Variants in ZMYND11 observed in about 807,000 individuals in gnomAD.
ZMYND11 encodes zinc finger MYND domain-containing protein 11.
A neutral mutation model predicts 84.9 loss-of-function variants in ZMYND11; 9 were observed. That is an observed-to-expected ratio of 0.11 (90% confidence interval 0.06 to 0.18). ZMYND11 has a LOEUF of 0.18. Ranked by LOEUF, ZMYND11 falls within the 10% of genes least tolerant of loss-of-function variation. The probability of loss-of-function intolerance (pLI) is 1.00; values close to 1 mark genes in which losing one functional copy is unlikely to be tolerated. For synonymous variants in ZMYND11, 250 were observed against 244.1 expected (o/e 1.02, Z -0.23); for missense variants, 409 against 761.0 (o/e 0.54, Z 5.44).
At chr10:205,968 G>A (rs987320813) in intron 2 of ZMYND11, among the ~76,000 whole-genome samples, 3 of 148,934 alleles carry the variant, frequency 2.0e-5, no homozygotes, top group Non-Finnish European at 3.0e-5. Flanking sequence ...CCTATTAAAG[G>A]TGTTTTTTTG....
intron 14 of ZMYND11, chr10:249,490 C>T (rs1952890235): frequency 9.1e-6 from 9 of 984,484 alleles, no homozygotes; most frequent in Non-Finnish European, 9.6e-6. Context: ...TTCAGATTTC[C>T]CTGCACTTAA....
rs146023646 is a variant in ZMYND11 at position 156,209 on chromosome 10, A to G, written c.-20+20650A>G. ...CCACAACCAAGAACCATTGGCCTCA[A>G]ATAGCTCCAAGGTTGAGAGAACCTG... On this transcript the variant is annotated intron_variant, in intron 1 of 14. Transcript: ENST00000381604. 5.0e-3 allele frequency among the ~76,000 whole-genome samples: 763 copies of G among 152,326 alleles called. 23 individuals are homozygous for G. The highest frequency in any genetic ancestry group is 0.043 in the Admixed American group (652 of 15,306).
At chr10:148,044 T>G (rs1839335930) in intron 1 of ZMYND11, 1 of 152,238 alleles carries the variant, frequency 6.6e-6, no homozygotes, top group Non-Finnish European at 1.5e-5. Context: ...TGAGAAAGTT[T>G]TTCAGGCTCT....
upstream of ZMYND11, among the ~76,000 whole-genome samples, chr10:132,268 CA>C (rs1193270241): frequency 1.3e-4 from 19 of 148,216 alleles, no homozygotes; most frequent in East Asian, 5.9e-4. Flanking sequence ...TGCTGCTGCT[CA>C]AAAAAAATAT....
intron 1 of ZMYND11, among the ~76,000 whole-genome samples, chr10:145,268 A>G (rs1489208919): frequency 6.6e-6 from 1 of 151,298 alleles, no homozygotes; most frequent in Non-Finnish European, 1.5e-5. Context: ...ATGTATATAT[A>G]TATCACTTTT....
At chr10:181,803 A>G (rs1847942307) in intron 2 of ZMYND11, among the ~76,000 whole-genome samples, 1 of 152,218 alleles carries the variant, frequency 6.6e-6, no homozygotes, top group Non-Finnish European at 1.5e-5. Context: ...GAACAATAAG[A>G]ATAAAATAAA....
chr10:206,420 G>GT (rs752848192), intron 2 of ZMYND11, among the ~76,000 whole-genome samples: 1 of 152,164 alleles, frequency 6.6e-6, no homozygotes, highest in Non-Finnish European at 1.5e-5. Flanking sequence ...GCCATACTTA[G>GT]TTTTTTGTCC....
At chr10:170,431 C>CGCGT (rs1845028730) in intron 1 of ZMYND11, among the ~76,000 whole-genome samples, 2 of 147,712 alleles carry the variant, frequency 1.4e-5, no homozygotes, top group South Asian at 4.3e-4. Context: ...ATTATGTGTG[C>CGCGT]GTGTGTGTGT....
chr10:142,392 G>GT (rs1177930771), intron 1 of ZMYND11, among the ~76,000 whole-genome samples: 1 of 152,068 alleles, frequency 6.6e-6, no homozygotes, highest in Non-Finnish European at 1.5e-5. Context: ...TGCCCAGCCT[G>GT]TTTTTTTAAA....
chr10:252,572 C>A lies in ZMYND11; in HGVS notation c.*102C>A. On this transcript the variant is annotated 3_prime_UTR_variant, in exon 15 of 15. Transcript: ENST00000381604. The surrounding 1 kb of genome is among the most constrained non-coding windows in gnomAD (Gnocchi z 4.6). ...TGTTTAGAATTTGCTTCCCATTTTGCACCAGCCTTTAAACACTTTTCGTGA... is the reference window on the plus strand; with the variant it reads ...TGTTTAGAATTTGCTTCCCATTTTGAACCAGCCTTTAAACACTTTTCGTGA... The A allele has an allele frequency of 6.8e-7, 1 of 1,478,074 alleles. No individual in the cohort carries two copies. The highest frequency in any genetic ancestry group is 9.0e-7 in the Non-Finnish European group (1 of 1,114,526). 91.6% of individuals were successfully genotyped at this position (1,478,074 alleles called of 1,614,324 possible).
rs150817472 is a variant in ZMYND11, at chr10:187,362, C to A, written c.116+7234C>A. Among the ~76,000 whole-genome samples the A allele has an allele frequency of 6.6e-5, 10 of 152,296 alleles. No homozygotes were observed. In the East Asian group the frequency reaches 1.9e-3, roughly 29 times the overall value. On this transcript the variant is annotated intron_variant, in intron 2 of 14. Coordinates refer to ENST00000381604, the MANE Select transcript of ZMYND11 (RefSeq NM_001370100.5). ...GATATTTAAAAACCATGGCTGGGCG[C>A]GGTGGCTCACGCCTGTAATCTCAGC...
intron 2 of ZMYND11, among the ~76,000 whole-genome samples, chr10:196,492 CATG>C (rs1400055090): frequency 1.3e-5 from 2 of 152,128 alleles, no homozygotes; most frequent in Admixed American, 6.5e-5. Context: ...TTTGAAAATA[CATG>C]ATATTACAAT....
intron 1 of ZMYND11, among the ~76,000 whole-genome samples, chr10:143,775 T>A (rs1838028110): frequency 6.6e-6 from 1 of 152,234 alleles, no homozygotes; most frequent in Non-Finnish European, 1.5e-5. Flanking sequence ...ACGTATATGT[T>A]CTACAGTTAT....
In ZMYND11 at chr10:204,219, T is replaced by G. The variant is rs117078332; in HGVS notation, c.117-5670T>G. Among the ~76,000 whole-genome samples, 184 of 152,318 alleles carry G rather than the reference T, an allele frequency of 1.2e-3. 2 individuals are homozygous for G. In the East Asian group the frequency reaches 0.029, roughly 24 times the overall value. On this transcript the variant is annotated intron_variant, in intron 2 of 14. Transcript: ENST00000381604. ...TAGATAACCAGTTGTCCCAATGTCC[T>G]GCATTGATTAATCAGTCTTTCTACC... is the stretch of plus-strand genomic sequence containing the variant.
intron 4 of ZMYND11, among the ~76,000 whole-genome samples, chr10:233,385 A>G (rs1753538066): frequency 6.6e-6 from 1 of 152,160 alleles, no homozygotes; most frequent in Non-Finnish European, 1.5e-5. Context: ...CCAGACAGCC[A>G]TTCCTCTGAT....
At chr10:192,675 G>A (rs1450997168) in intron 2 of ZMYND11, among the ~76,000 whole-genome samples, 1 of 152,214 alleles carries the variant, frequency 6.6e-6, no homozygotes, top group Non-Finnish European at 1.5e-5. Flanking sequence ...TTCGTGCTGG[G>A]TAGCGCTGTG....
At chr10:229,543 G>C (rs1948655067) in intron 4 of ZMYND11, among the ~76,000 whole-genome samples, 1 of 152,108 alleles carries the variant, frequency 6.6e-6, no homozygotes, top group Non-Finnish European at 1.5e-5. Context: ...AGTTTAATGT[G>C]ATTCGTTCCA....
Position 252,296 on chromosome 10 carries a change from G to A in ZMYND11, c.1687-52G>A, listed in dbSNP as rs373911000. ...CAAGAGTTTGCCATTTTAACCAGTC[G>A]CTTACACATCCACACCCAAGTCTAA... On this transcript the variant is annotated intron_variant, in intron 14 of 14. Coordinates refer to ENST00000381604, the MANE Select transcript of ZMYND11 (RefSeq NM_001370100.5). This position sits in a 1 kb window ranked among gnomAD's most constrained non-coding sequence, Gnocchi z 4.6. The A allele has an allele frequency of 2.0e-5, 32 of 1,602,586 alleles. No individual in the cohort carries two copies. The highest frequency in any genetic ancestry group is 1.6e-4 in the African/African-American group (12 of 74,466).
At chr10:180,492 C>T (rs1439748927) in intron 2 of ZMYND11, among the ~76,000 whole-genome samples, 2 of 152,162 alleles carry the variant, frequency 1.3e-5, no homozygotes, top group Non-Finnish European at 2.9e-5. Context: ...CTCCGCTTCC[C>T]GGGTTCAAGT....
Sources: gnomAD v4.1 joint callset for allele counts (sites outside exome capture counted in the v4.1 genomes callset) on GRCh38, gnomAD v4.1.1 for gene constraint, Gnocchi (gnomAD v3.1) non-coding constraint, MANE v1.5 for transcripts, NCBI Gene and HGNC (gene_info 2026-07-23, HGNC 2026-07-21) for gene names.